USP4: variants seen among roughly 807,000 people sequenced by gnomAD.
USP4 encodes the protein ubiquitin specific peptidase 4, also known as ubiquitin carboxyl-terminal hydrolase 4.
Under a neutral mutation model 118.2 loss-of-function variants are expected in USP4, and 72 were observed. That is an observed-to-expected ratio of 0.61 (90% CI 0.50 to 0.74). The LOEUF (loss-of-function observed/expected upper bound fraction) is 0.74. Among genes scored for constraint, USP4 ranks in the 30% least tolerant of loss-of-function variants. The probability of loss-of-function intolerance (pLI) is 0.00; values close to 1 mark genes in which losing one functional copy is unlikely to be tolerated. For synonymous variants in USP4, 415 were observed against 440.4 expected, an observed-to-expected ratio of 0.94 and a Z score of 0.72; for missense variants, 1,037 against 1,185.7, an observed-to-expected ratio of 0.87 and a Z score of 1.84.
intron 13 of USP4, among the ~76,000 whole-genome samples, chr3:49,295,169 G>A (rs576725092): frequency 2.4e-4 from 36 of 151,810 alleles, no homozygotes; most frequent in African/African-American, 7.7e-4. Context: ...GGCACCTGCA[G>A]TCCCACCTAC....
At chr3:49,316,547 G>A (rs1313394253) in intron 6 of USP4, among the ~76,000 whole-genome samples, 1 of 151,988 alleles carries the variant, frequency 6.6e-6, no homozygotes, top group Non-Finnish European at 1.5e-5. Flanking sequence ...TCGAACTCCT[G>A]GCCTCAAGTG....
chr3:49,292,267 C>T (rs1344068046), intron 15 of USP4, among the ~76,000 whole-genome samples: 2 of 138,426 alleles, frequency 1.4e-5, no homozygotes, highest in Non-Finnish European at 3.1e-5. Context: ...GCCTGGGTGA[C>T]AGGAATGAGA....
intron 6 of USP4, chr3:49,316,644 A>G (rs2047439308): frequency 5.9e-6 from 1 of 169,138 alleles, no homozygotes; most frequent in African/African-American, 2.4e-5. Context: ...CATTCATTCA[A>G]TCATTTATTT....
chr3:49,319,463 GA>G (rs1273198875), intron 6 of USP4, among the ~76,000 whole-genome samples: 1 of 151,932 alleles, frequency 6.6e-6, no homozygotes, highest in African/African-American at 2.4e-5. Flanking sequence ...ATTGGCCCAG[GA>G]TGGTCTTGAT....
intron 15 of USP4, among the ~76,000 whole-genome samples, chr3:49,290,075 T>C (rs1361787550): frequency 2.0e-5 from 3 of 152,178 alleles, no homozygotes; most frequent in Non-Finnish European, 4.4e-5. Context: ...TGAGCCATGA[T>C]TGCGCCACTG....
At chr3:49,285,502 T>A (rs549742419) in intron 16 of USP4, among the ~76,000 whole-genome samples, 65 of 152,240 alleles carry the variant, frequency 4.3e-4, no homozygotes, top group African/African-American at 1.6e-3. Context: ...AAATATTAGC[T>A]GGGTGTGGTG....
At chr3:49,317,646 A>T (rs1575615615) in intron 6 of USP4, among the ~76,000 whole-genome samples, 2 of 143,172 alleles carry the variant, frequency 1.4e-5, no homozygotes, top group African/African-American at 2.6e-5. Context: ...GGTTCACATC[A>T]TTCTCCTGCC....
intron 12 of USP4, among the ~76,000 whole-genome samples, chr3:49,298,213 A>G (rs933542052): frequency 3.9e-5 from 6 of 152,204 alleles, no homozygotes; most frequent in African/African-American, 1.4e-4. Flanking sequence ...GTGTGGTGCT[A>G]ACCAGAAACC....
At chr3:49,296,202 G>A (rs530764334) in intron 13 of USP4, among the ~76,000 whole-genome samples, 18 of 152,080 alleles carry the variant, frequency 1.2e-4, no homozygotes, top group African/African-American at 4.1e-4. Flanking sequence ...GTGGTGGCAC[G>A]CGCCTGTAGT....
chr3:49,310,852 T>C, intron 7 of USP4, 115 bp from the exon 8 acceptor site: 2 of 771,782 alleles, frequency 2.6e-6, no homozygotes, highest in Non-Finnish European at 4.4e-6. Context: ...AAGCCCATGA[T>C]GCAAATTCCC....
intron 8 of USP4, among the ~76,000 whole-genome samples, chr3:49,309,612 G>A (rs60011446): frequency 0.023 from 3,328 of 146,532 alleles, 150 homozygotes; most frequent in African/African-American, 0.08. Context: ...AGCATGGGGC[G>A]GGACAGCTTT....
At chr3:49,319,492 T>G (rs1279762582) in intron 6 of USP4, among the ~76,000 whole-genome samples, 1 of 152,170 alleles carries the variant, frequency 6.6e-6, no homozygotes. Context: ...CCTCGTGATG[T>G]GCCTGCCTCT....
At chr3:49,335,386 C>T in intron 2 of USP4, 83 bp downstream of exon 2, 1 of 1,584,100 alleles carries the variant, frequency 6.3e-7, no homozygotes, top group Non-Finnish European at 8.6e-7. Flanking sequence ...TAGGAAAGTT[C>T]ACAACGTCCA....
chr3:49,333,017 CTT>C (rs924405074), intron 2 of USP4, among the ~76,000 whole-genome samples: 9 of 126,246 alleles, frequency 7.1e-5, no homozygotes, highest in East Asian at 2.2e-4. Flanking sequence ...CAGTAGCTAC[CTT>C]TTTTTTTTTT....
At chr3:49,289,812 A>G (rs1575602586) in intron 15 of USP4, among the ~76,000 whole-genome samples, 1 of 151,544 alleles carries the variant, frequency 6.6e-6, no homozygotes, top group South Asian at 2.1e-4. Flanking sequence ...AAAAAAAGAG[A>G]ATCCAAATAT....
chr3:49,304,163 A>G (rs1304602110), intron 9 of USP4, among the ~76,000 whole-genome samples: 1 of 152,230 alleles, frequency 6.6e-6, no homozygotes, highest in African/African-American at 2.4e-5. Context: ...TTTCAATTTC[A>G]ACAAACCACC....
intron 3 of USP4, among the ~76,000 whole-genome samples, chr3:49,326,649 C>A (rs1347425129): frequency 2.0e-5 from 3 of 151,680 alleles, no homozygotes; most frequent in African/African-American, 7.3e-5. Context: ...CCTGCCTCAG[C>A]CTCCCAAAGT....
intron 8 of USP4, among the ~76,000 whole-genome samples, chr3:49,309,065 T>C (rs1575611021): frequency 1.4e-5 from 2 of 146,710 alleles, no homozygotes; most frequent in African/African-American, 5.0e-5. Context: ...GAAAGTACCA[T>C]GTACTGACTC....
intron 13 of USP4, among the ~76,000 whole-genome samples, chr3:49,296,526 G>C (rs1575605556): frequency 6.6e-6 from 1 of 151,934 alleles, no homozygotes; most frequent in East Asian, 1.9e-4. Context: ...GCGGGTGCCT[G>C]TAGTCCCAGC....
Sources: allele counts gnomAD v4.1 joint callset (sites outside exome capture counted in the v4.1 genomes callset), GRCh38; gene constraint gnomAD v4.1.1; transcripts MANE v1.5; gene names NCBI Gene and HGNC (gene_info 2026-07-23, HGNC 2026-07-21).